The following KIF1A variants were observed in gnomAD, a reference collection of about 807,000 sequenced individuals.
The protein encoded by KIF1A is kinesin-like protein KIF1A.
In KIF1A, 46 loss-of-function variants were observed where a neutral mutation model predicts 227.3. The observed-to-expected ratio is 0.20, with a 90% CI of 0.16 to 0.26. The LOEUF (loss-of-function observed/expected upper bound fraction) is 0.26, where lower values mean the gene tolerates loss of function less well. KIF1A is among the 10% of genes least tolerant of loss of function. KIF1A has a pLI of 1.00. For synonymous variants in KIF1A, 1,022 were observed against 1,012.8 expected, an observed-to-expected ratio of 1.01 and a Z score of -0.17; for missense variants, 1,683 against 2,485.9, an observed-to-expected ratio of 0.68 and a Z score of 6.87.
At chr2:240,797,438 C>A (rs1012446493) in intron 2 of KIF1A, among the ~76,000 whole-genome samples, 5 of 152,220 alleles carry the variant, frequency 3.3e-5, no homozygotes, top group Admixed American at 2.6e-4. Flanking sequence ...CTGGCCTCCA[C>A]AGCTGTAAGC....
At chr2:240,779,594 A>T (rs116209208) in intron 10 of KIF1A, among the ~76,000 whole-genome samples, 2,270 of 135,906 alleles carry the variant, frequency 0.017, 68 homozygotes, top group African/African-American at 0.06. Flanking sequence ...ACTCAGTTCC[A>T]CACTCAGTTC....
intron 10 of KIF1A, chr2:240,782,134 G>A (rs1213436725): frequency 3.0e-6 from 3 of 985,086 alleles, no homozygotes; most frequent in East Asian, 1.1e-4. Context: ...AGCTTCACAC[G>A]TGGCGCGCTC....
intron 46 of KIF1A, 128 bp from the exon 47 acceptor site, chr2:240,719,326 G>A (rs968056163): frequency 9.0e-6 from 10 of 1,112,270 alleles, no homozygotes; most frequent in African/African-American, 1.6e-5. Context: ...AAAGTGGGTC[G>A]AGGCATCGAA....
chr2:240,780,660 C>T (rs1211392703), intron 10 of KIF1A, among the ~76,000 whole-genome samples: 3 of 151,904 alleles, frequency 2.0e-5, no homozygotes, highest in East Asian at 1.9e-4. Context: ...CAGAGTTCCT[C>T]GGGTTCCCAC....
intron 38 of KIF1A, among the ~76,000 whole-genome samples, chr2:240,729,829 A>C (rs1415727642): frequency 6.6e-6 from 1 of 152,240 alleles, no homozygotes; most frequent in Non-Finnish European, 1.5e-5. Flanking sequence ...TGTGCACAGC[A>C]GGGATGGGCC....
At position 240,734,644 on chromosome 2, in the gene KIF1A, C is replaced by T. The variant is rs1374927791; in HGVS notation, c.4007+2419G>A. ...GTTAACTTCTCAGGGGCATGGGGGG[C>T]GGTCAGGGGAGGAGCAGGGAGGAAA... On this transcript the variant is annotated intron_variant, in intron 38 of 48. Coordinates refer to ENST00000498729, the MANE Select transcript of KIF1A (RefSeq NM_001244008.2). The T allele has an allele frequency of 2.4e-5, 27 of 1,111,810 alleles. No individual in the cohort carries two copies. The East Asian group carries it at 2.9e-4, about 12-fold the overall frequency. The allele number at this position is 1,111,810 out of a possible 1,614,324, so 68.9% of individuals were successfully genotyped here. A position where few individuals can be genotyped will look rare whatever the true frequency, so the allele number is the denominator to read the frequency against.
At chr2:240,779,031 G>T (rs113387886) in intron 10 of KIF1A, among the ~76,000 whole-genome samples, 1 of 151,968 alleles carries the variant, frequency 6.6e-6, no homozygotes, top group Non-Finnish European at 1.5e-5. Flanking sequence ...TCCACACTCA[G>T]TTCCACACTC....
chr2:240,793,651 G>A lies in KIF1A; in HGVS notation c.106+3996C>T, dbSNP rs192247101. On this transcript the variant is annotated intron_variant, in intron 2 of 48. Transcript: ENST00000498729. This position sits in a 1 kb window ranked among gnomAD's most constrained non-coding sequence, Gnocchi z 4.8. ...CGGACCGAAGTGCACCTAATGGACA[G>A]CTCAGCTGGCTCACAAAACTGCTAG... Among the ~76,000 whole-genome samples the A allele has an allele frequency of 9.4e-4, 143 of 152,372 alleles. 3 individuals are homozygous for A. In the South Asian group the frequency reaches 0.019, roughly 20 times the overall value.
At chr2:240,781,491 C>CCACA (rs1249489148) in intron 10 of KIF1A, among the ~76,000 whole-genome samples, 1 of 91,386 alleles carries the variant, frequency 1.1e-5, no homozygotes, top group Non-Finnish European at 2.2e-5. Flanking sequence ...ACACACAGCT[C>CCACA]CACACACAGC....
chr2:240,740,290 G>A lies in KIF1A; in HGVS notation c.3816+8C>T, dbSNP rs776328472. ...CACAGGCAGGGTAGGGGCAAGAGGG[G>A]CTCACACCTGGTGGAGGAGGAAGGT... On this transcript the variant is annotated splice_region_variant and intron_variant, in intron 36 of 48. Coordinates refer to ENST00000498729, the MANE Select transcript of KIF1A (RefSeq NM_001244008.2). This position sits in a 1 kb window ranked among gnomAD's most constrained non-coding sequence, Gnocchi z 6.1. 3 of 1,612,040 alleles carry A rather than the reference G, an allele frequency of 1.9e-6. No individual in the cohort carries two copies. The highest frequency in any genetic ancestry group is 2.5e-6 in the Non-Finnish European group (3 of 1,178,822).
Position 240,767,124 on chromosome 2 carries a change from A to G in KIF1A, c.1578-103T>C, listed in dbSNP as rs564111727. 7.3e-4 allele frequency: 837 copies of G among 1,147,078 alleles called. 2 individuals are homozygous for G. Among genetic ancestry groups the G allele is most frequent in the Non-Finnish European group, 9.9e-4 (784 of 790,962 alleles). The allele number at this position is 1,147,078 out of a possible 1,614,324, so 71.1% of individuals were successfully genotyped here. A position where few individuals can be genotyped will look rare whatever the true frequency, so the allele number is the denominator to read the frequency against. ...GCCCAACCAGGATTGTTTGGGAAACACCCAGCGCAGACATCAGTGGGGTCG... is the reference window on the plus strand; with the variant it reads ...GCCCAACCAGGATTGTTTGGGAAACGCCCAGCGCAGACATCAGTGGGGTCG... On this transcript the variant is annotated intron_variant, in intron 18 of 48. Coordinates refer to ENST00000498729, the MANE Select transcript of KIF1A (RefSeq NM_001244008.2).
intron 38 of KIF1A, among the ~76,000 whole-genome samples, chr2:240,732,255 TGA>T (rs2046777791): frequency 2.3e-5 from 1 of 42,734 alleles, no homozygotes; most frequent in African/African-American, 1.2e-4. Flanking sequence ...GGATGAAACA[TGA>T]GGGGAGGAGG....
chr2:240,727,398 G>A (rs1421814048), intron 38 of KIF1A, among the ~76,000 whole-genome samples: 3 of 152,130 alleles, frequency 2.0e-5, no homozygotes, highest in Non-Finnish European at 2.9e-5. Context: ...GAGCCTGCGC[G>A]GGCCCACCCC....
At chr2:240,727,945 G>A (rs2046217656) in intron 38 of KIF1A, among the ~76,000 whole-genome samples, 1 of 152,172 alleles carries the variant, frequency 6.6e-6, no homozygotes, top group Non-Finnish European at 1.5e-5. Context: ...CCAGAATGTG[G>A]CTACTCTGCA....
chr2:240,813,346 T>C (rs907299635), intron 1 of KIF1A, among the ~76,000 whole-genome samples: 1 of 152,190 alleles, frequency 6.6e-6, no homozygotes, highest in Non-Finnish European at 1.5e-5. Flanking sequence ...AGGCGTTTCC[T>C]GGGACCTCAG....
At chr2:240,809,521 C>G (rs1329660507) in intron 1 of KIF1A, among the ~76,000 whole-genome samples, 1 of 152,164 alleles carries the variant, frequency 6.6e-6, no homozygotes, top group Non-Finnish European at 1.5e-5. Flanking sequence ...ATGGAAGGAA[C>G]ACTGGTTGGC....
At position 240,767,030 on chromosome 2, in the gene KIF1A, T is replaced by C. The variant is rs2125925914; in HGVS notation, c.1578-9A>G. 2 of 1,591,998 alleles carry C rather than the reference T, an allele frequency of 1.3e-6. No individual in the cohort carries two copies. The highest frequency in any genetic ancestry group is 1.7e-6 in the Non-Finnish European group (2 of 1,164,918). On this transcript the variant is annotated splice_polypyrimidine_tract_variant and intron_variant, in intron 18 of 48. Transcript: ENST00000498729. Reference sequence around the variant, plus strand: ...CATCCTCCCTGCCCACTCTGCGGGGTGGGGGCACCATCAGCACGGCAGCTG... The same window carrying C: ...CATCCTCCCTGCCCACTCTGCGGGGCGGGGGCACCATCAGCACGGCAGCTG...
intron 24 of KIF1A, 74 bp from the exon 25 acceptor site, chr2:240,760,917 C>T (rs913532281): frequency 5.0e-6 from 7 of 1,406,416 alleles, no homozygotes; most frequent in Middle Eastern, 1.8e-4. Flanking sequence ...AGGCTTCCTT[C>T]CCACCTTCTG....
rs755392068 is a variant in KIF1A, at chr2:240,737,054, C to A, written c.4007+9G>T. ...CCTGGGCCCTGTCTCCAGGGAGTCT[C>A]CGACTCACCGGTCATCTTGGGCTGG... On this transcript the variant is annotated intron_variant, in intron 38 of 48. Coordinates refer to ENST00000498729, the MANE Select transcript of KIF1A (RefSeq NM_001244008.2). 1 of 1,605,476 alleles carries A rather than the reference C, an allele frequency of 6.2e-7. No individual in the cohort carries two copies. The highest frequency in any genetic ancestry group is 8.5e-7 in the Non-Finnish European group (1 of 1,172,324).
Sources: gnomAD v4.1 joint callset for allele counts (sites outside exome capture counted in the v4.1 genomes callset) on GRCh38, gnomAD v4.1.1 for gene constraint, Gnocchi (gnomAD v3.1) non-coding constraint, MANE v1.5 for transcripts, NCBI Gene and HGNC (gene_info 2026-07-23, HGNC 2026-07-21) for gene names.